ABR: variants seen among roughly 807,000 people sequenced by gnomAD.
ABR encodes active breakpoint cluster region-related protein.
In ABR, 35 loss-of-function variants were observed where a neutral mutation model predicts 107.2. The observed-to-expected ratio is 0.33, with a 90% CI of 0.25 to 0.43. The LOEUF is 0.43. Ranked by LOEUF, ABR falls within the 20% of genes least tolerant of loss-of-function variation. The pLI is 1.00. For synonymous variants in ABR, 498 were observed against 462.0 expected (o/e 1.08, Z -1.00); for missense variants, 815 against 1,115.2 (o/e 0.73, Z 3.83).
At chr17:1,021,531 T>A (rs186627927) in intron 16 of ABR, among the ~76,000 whole-genome samples, 2 of 152,078 alleles carry the variant, frequency 1.3e-5, no homozygotes, top group African/African-American at 2.4e-5. Flanking sequence ...TTCAGCCAGG[T>A]GCGGTGGCTC....
At chr17:1,172,456 C>T (rs1451235584) in intron 1 of ABR, among the ~76,000 whole-genome samples, 1 of 152,170 alleles carries the variant, frequency 6.6e-6, no homozygotes, top group Non-Finnish European at 1.5e-5. Flanking sequence ...CTAAGAAATG[C>T]AAGCTACTCC....
At position 1,112,645 on chromosome 17, in the gene ABR, C is replaced by A. The variant is rs1390823675; in HGVS notation, c.247-11910G>T. On this transcript the variant is annotated intron_variant, in intron 2 of 22. Transcript: ENST00000302538. ...GAAGGAAGGAAGAGAGGAAGGAAGG[C>A]AGGTTAAGAAGCGCTGCTTGCTAGA... is the stretch of plus-strand genomic sequence containing the variant. Among the ~76,000 whole-genome samples, 5 of 84,460 alleles carry A rather than the reference C, an allele frequency of 5.9e-5. No individual in the cohort carries two copies. In the East Asian group the frequency reaches 1.8e-3, roughly 30 times the overall value. The allele number at this position is 84,460 out of a possible 152,430, so 55.4% of individuals were successfully genotyped here.
At chr17:1,189,839 A>G (rs62087713), upstream of ABR, among the ~76,000 whole-genome samples, 85,689 of 151,582 alleles carry the variant, frequency 0.57, 26,344 homozygotes, top group Middle Eastern at 0.74. Context: ...GAGGATAGGA[A>G]CCACATCTGT....
At chr17:1,183,605 C>T (rs776041273), upstream of ABR, among the ~76,000 whole-genome samples, 6 of 152,064 alleles carry the variant, frequency 3.9e-5, no homozygotes, top group Admixed American at 6.6e-5. Flanking sequence ...AAAAAGGGGA[C>T]GGGCCCTAGA....
At chr17:1,021,003 A>C (rs2071580275) in intron 16 of ABR, among the ~76,000 whole-genome samples, 1 of 151,150 alleles carries the variant, frequency 6.6e-6, no homozygotes. Flanking sequence ...CACACTCTCC[A>C]CTCCAGCACG....
Position 1,050,415 on chromosome 17 carries a change from A to G in ABR, c.1659+122T>C. ...CACCGCGATCAGAAGCCAGAGGAGC[A>G]GGGAGCAGAAAGGGGGGTGCAGACA... On this transcript the variant is annotated intron_variant, in intron 15 of 22. Coordinates refer to ENST00000302538, the MANE Select transcript of ABR (RefSeq NM_021962.5). This position sits in a 1 kb window ranked among gnomAD's most constrained non-coding sequence, Gnocchi z 4.6. The G allele has an allele frequency of 9.6e-7, 1 of 1,037,944 alleles. No homozygotes were observed. The highest frequency in any genetic ancestry group is 1.5e-6 in the Non-Finnish European group (1 of 679,570). The allele number at this position is 1,037,944 out of a possible 1,614,324, so 64.3% of individuals were successfully genotyped here.
intron 1 of ABR, among the ~76,000 whole-genome samples, chr17:1,166,120 C>G (rs1267672317): frequency 1.3e-5 from 2 of 151,986 alleles, no homozygotes; most frequent in Non-Finnish European, 2.9e-5. Flanking sequence ...TCTCCCAGAG[C>G]CCAAGGTGGA....
At chr17:1,072,586 G>A (rs1219143730) in intron 8 of ABR, 28 bp downstream of exon 8, 2 of 1,585,668 alleles carry the variant, frequency 1.3e-6, no homozygotes, top group Non-Finnish European at 1.7e-6. Context: ...CAGCCTGGGT[G>A]AGGGGCCGTG....
At chr17:1,113,304 T>TTTTGG (rs2038817486) in intron 2 of ABR, among the ~76,000 whole-genome samples, 1 of 146,430 alleles carries the variant, frequency 6.8e-6, no homozygotes, top group East Asian at 2.0e-4. Flanking sequence ...TTTTTTTTTT[T>TTTTGG]GAGACGGAGT....
At chr17:1,053,816 G>A (rs2586289) in intron 14 of ABR, among the ~76,000 whole-genome samples, 1 of 124,042 alleles carries the variant, frequency 8.1e-6, no homozygotes, top group East Asian at 2.5e-4. Context: ...GGAGAGGGAG[G>A]GGCGGCATCT....
intron 5 of ABR, among the ~76,000 whole-genome samples, chr17:1,081,981 G>C (rs2586244): frequency 0.39 from 59,855 of 151,706 alleles, 12,133 homozygotes; most frequent in South Asian, 0.55. Context: ...AGTAATGAAG[G>C]TGACATGTTC....
At chr17:1,040,377 C>A (rs1055781889) in intron 16 of ABR, among the ~76,000 whole-genome samples, 1 of 152,224 alleles carries the variant, frequency 6.6e-6, no homozygotes, top group African/African-American at 2.4e-5. Flanking sequence ...TGCTCCCCAG[C>A]CGCTGACAAA....
At chr17:1,226,758 G>GTGTA (rs1555624748) in intron 1 of ABR, among the ~76,000 whole-genome samples, 23,486 of 119,512 alleles carry the variant, frequency 0.2, 2,854 homozygotes, top group African/African-American at 0.42. Context: ...GCTGCTGTGC[G>GTGTA]TGTGTGTGCA....
Position 1,072,630 on chromosome 17 carries a change from G to A in ABR, c.878C>T (p.Thr293Ile). Residue 293 changes from threonine to isoleucine, a missense_variant, in exon 8 of 23, where the codon ACA becomes ATA. This residue lies in a region of ABR where 385 missense variants were observed against 596.9 expected (regional missense o/e 0.64). Coordinates refer to ENST00000302538, the MANE Select transcript of ABR (RefSeq NM_021962.5). The part of the protein sequence containing the change: ...EDIDPRRTAV[T>I]TPKGETRQLV... ...TGAGCTCACCTCCCCCTTGGGCGTTGTCACTGCAGTCCGGCGGGGGTCGAT... is the reference window on the plus strand; with the variant it reads ...TGAGCTCACCTCCCCCTTGGGCGTTATCACTGCAGTCCGGCGGGGGTCGAT... 1 of 1,609,370 alleles carries A rather than the reference G, an allele frequency of 6.2e-7. No individual in the cohort carries two copies. The highest frequency in any genetic ancestry group is 1.3e-5 in the African/African-American group (1 of 74,792).
intron 1 of ABR, among the ~76,000 whole-genome samples, chr17:1,166,445 C>T (rs546403281): frequency 9.6e-4 from 146 of 152,230 alleles, no homozygotes; most frequent in African/African-American, 1.4e-3. Context: ...TATGAATGGG[C>T]GAGTGTTGTA....
intron 1 of ABR, among the ~76,000 whole-genome samples, chr17:1,160,261 A>G (rs554647974): frequency 7.1e-6 from 1 of 139,988 alleles, no homozygotes; most frequent in East Asian, 2.1e-4. Flanking sequence ...CTCAAAAACA[A>G]AAAACAATAA....
At chr17:1,144,855 G>A (rs766800819) in intron 1 of ABR, among the ~76,000 whole-genome samples, 2 of 152,126 alleles carry the variant, frequency 1.3e-5, no homozygotes, top group Admixed American at 1.3e-4. Flanking sequence ...CCCTATCTCT[G>A]CTAAAAATAC....
chr17:1,160,107 G>A (rs753742343), intron 1 of ABR, among the ~76,000 whole-genome samples: 14 of 152,086 alleles, frequency 9.2e-5, no homozygotes, highest in Admixed American at 6.6e-5. Flanking sequence ...ACACCAATAG[G>A]AGCAGAGCCC....
upstream of ABR, among the ~76,000 whole-genome samples, chr17:1,188,162 G>A (rs59361965): frequency 5.8e-3 from 880 of 151,998 alleles, 10 homozygotes; most frequent in African/African-American, 0.02. Context: ...AACTGAGATC[G>A]TACCACTAAC....
Sources: allele counts gnomAD v4.1 joint callset (sites outside exome capture counted in the v4.1 genomes callset), GRCh38; gene constraint gnomAD v4.1.1; regional missense constraint gnomAD v4.1.1; non-coding constraint Gnocchi (gnomAD v3.1); transcripts MANE v1.5; gene names NCBI Gene and HGNC (gene_info 2026-07-23, HGNC 2026-07-21).